CTSB: variants seen among roughly 807,000 people sequenced by gnomAD.
CTSB encodes the protein cathepsin B.
Under a neutral mutation model 44.3 loss-of-function variants are expected in CTSB, and 57 were observed. The ratio of observed to expected loss-of-function variants is 1.29; its 90% CI spans 1.04 to 1.60. CTSB has a LOEUF of 1.60. CTSB is among the 40% of genes most tolerant of loss of function. The pLI, the probability that CTSB is intolerant of heterozygous loss-of-function variation, is 0.00. For missense variants in CTSB, 768 were observed against 443.0 expected (o/e 1.73, Z -6.59); for synonymous variants, 320 against 168.0 (o/e 1.91, Z -7.00).
chr8:11,853,748 C>T (rs765370496), intron 1 of CTSB: 28 of 342,388 alleles, frequency 8.2e-5, no homozygotes, highest in Non-Finnish European at 1.1e-4. Flanking sequence ...CCAGGGCCTT[C>T]GCTGCTATTT....
intron 1 of CTSB, among the ~76,000 whole-genome samples, chr8:11,859,599 C>G (rs1816061829): frequency 6.6e-6 from 1 of 150,566 alleles, no homozygotes. Flanking sequence ...AAACTCCTGT[C>G]TCTACTAAAA....
At chr8:11,850,551 T>A (rs1364755189) in intron 4 of CTSB, 1 of 228,218 alleles carries the variant, frequency 4.4e-6, no homozygotes, top group African/African-American at 2.2e-5. Context: ...ACTAAAGGGA[T>A]GCTTTCTTGA....
At chr8:11,858,679 A>C (rs76695379) in intron 1 of CTSB, among the ~76,000 whole-genome samples, 1 of 152,142 alleles carries the variant, frequency 6.6e-6, no homozygotes, top group Non-Finnish European at 1.5e-5. Context: ...AGAACTCAAA[A>C]AGTGTCAAGC....
chr8:11,845,221 G>T lies in CTSB; in HGVS notation c.924C>A (p.Gly308=). The T allele has an allele frequency of 6.2e-7, 1 of 1,610,800 alleles. No individual in the cohort carries two copies. The highest frequency in any genetic ancestry group is 8.5e-7 in the Non-Finnish European group (1 of 1,177,090). ...NSWNTDWGDN[G]FFKILRGQDH... is the part of the protein sequence containing the mutation. ...CCTGTCCTCTGAGTATTTTAAAGAA[G>T]CCTGGGAATAAAAAGTAAGGTGCTT... Residue 308 remains glycine (G), a splice_region_variant and synonymous_variant, in exon 10 of 10, where the codon GGC becomes GGA. Transcript: ENST00000353047.
intron 5 of CTSB, chr8:11,848,555 A>G (rs1426528426): frequency 5.8e-6 from 2 of 347,038 alleles, no homozygotes; most frequent in African/African-American, 4.2e-5. Flanking sequence ...TTAGGGGAGA[A>G]GCCCATGCAT....
intron 1 of CTSB, among the ~76,000 whole-genome samples, chr8:11,859,618 A>C (rs1816063853): frequency 6.6e-6 from 1 of 151,674 alleles, no homozygotes; most frequent in Non-Finnish European, 1.5e-5. Context: ...AAATACAAAA[A>C]TTAGCCAGGC....
chr8:11,853,074 CT>C (rs1433994956), intron 2 of CTSB, among the ~76,000 whole-genome samples: 1 of 152,158 alleles, frequency 6.6e-6, no homozygotes, highest in African/African-American at 2.4e-5. Context: ...AGCTCACTTA[CT>C]CCCCCACACA....
Position 11,849,134 on chromosome 8 carries a change from G to C in CTSB, c.358C>G (p.Arg120Gly), listed in dbSNP as rs536248833. 1.9e-6 allele frequency: 3 copies of C among 1,612,912 alleles called. No homozygotes were observed. Among genetic ancestry groups the C allele is most frequent in the African/African-American group, 1.3e-5 (1 of 74,912 alleles). Reference sequence around the variant, plus strand: ...TGCGCATTGGTGTGGATGCAGATCCGGTCAGAGATGGCTTCCACAGCCCCG... The same window carrying C: ...TGCGCATTGGTGTGGATGCAGATCCCGTCAGAGATGGCTTCCACAGCCCCG... ...AFGAVEAISD[R>G]ICIHTNAHVS... is the part of the protein sequence containing the mutation. Residue 120 changes from arginine to glycine, a missense_variant, in exon 5 of 10, where the codon CGG (arginine) becomes GGG (glycine). Transcript: ENST00000353047.
At position 11,864,675 on chromosome 8, in the gene CTSB, G is replaced by A. The variant is rs1816869766; in HGVS notation, c.-26+3326C>T. Among the ~76,000 whole-genome samples the A allele has an allele frequency of 2.0e-5, 3 of 152,140 alleles. No individual in the cohort carries two copies. The South Asian group carries it at 6.2e-4, about 32-fold the overall frequency. On this transcript the variant is annotated intron_variant, in intron 1 of 9. Coordinates refer to ENST00000353047, the MANE Select transcript of CTSB (RefSeq NM_001908.5). ...AGATTAGTTAAAAGTCTAAACACAT[G>A]GCTGGGCACAGTGACTCACACCTGT...
intron 4 of CTSB, among the ~76,000 whole-genome samples, chr8:11,849,782 T>A (rs1425626467): frequency 6.6e-6 from 1 of 152,068 alleles, no homozygotes; most frequent in Non-Finnish European, 1.5e-5. Context: ...GGTTTCACCA[T>A]GTTGGCCAGG....
At chr8:11,853,646 C>G in intron 1 of CTSB, 167 bp from the exon 2 acceptor site, 1 of 634,240 alleles carries the variant, frequency 1.6e-6, no homozygotes, top group East Asian at 3.1e-5. Context: ...CCCCCCTGCC[C>G]GAAGCACGCC....
In CTSB at chr8:11,850,891, T is replaced by C; in HGVS notation, c.302A>G (p.Asp101Gly). Residue 101 changes from aspartate (D) to glycine (G), a missense_variant, in exon 4 of 10, where the codon GAC becomes GGC. Asp to Gly is a moderately conservative substitution (Grantham distance 94, BLOSUM62 -1). Transcript: ENST00000353047. ...CCAGCAGGAGCCACAGGAGCCCTGG[T>C]CTCTGATCTCTTTGATGGTGGGACA... ...PQCPTIKEIRDQGSCGSCWAF... is the reference protein window; with the variant it reads ...PQCPTIKEIRGQGSCGSCWAF... 1 of 1,613,310 alleles carries C rather than the reference T, an allele frequency of 6.2e-7. No individual in the cohort carries two copies. The highest frequency in any genetic ancestry group is 8.5e-7 in the Non-Finnish European group (1 of 1,179,538).
chr8:11,846,939 C>T (rs1443993669), intron 8 of CTSB, 113 bp downstream of exon 8: 5 of 723,660 alleles, frequency 6.9e-6, no homozygotes, highest in African/African-American at 5.2e-5. Context: ...CCCTCTTCCC[C>T]AGCCCCTCAC....
intron 1 of CTSB, chr8:11,864,307 T>C (rs1586205309): frequency 8.8e-6 from 1 of 113,054 alleles, no homozygotes; most frequent in East Asian, 2.9e-4. Context: ...TGAGACCCTG[T>C]CTCTACCAAC....
In CTSB at chr8:11,847,138, T is replaced by A. The variant is rs1421940717; in HGVS notation, c.707A>T (p.Glu236Val). 1 of 1,613,074 alleles carries A rather than the reference T, an allele frequency of 6.2e-7. No individual in the cohort carries two copies. Among genetic ancestry groups the A allele is most frequent in the African/African-American group, 1.3e-5 (1 of 74,816 alleles). The change falls in exon 8 of 10, where the codon GAG (glutamate) becomes GTG (valine). Residue 236 changes from glutamate (E) to valine (V), a missense_variant. Coordinates refer to ENST00000353047, the MANE Select transcript of CTSB (RefSeq NM_001908.5). ...GTAGATCTCGGCCATGATGTCCTTC[T>A]CGCTATTGGAGACGCTGTAGGAATT... ...GYNSYSVSNS[E>V]KDIMAEIYKN...
At position 11,847,290 on chromosome 8, in the gene CTSB, C is replaced by T. The variant is rs1317423340; in HGVS notation, c.677-122G>A. The T allele has an allele frequency of 2.1e-5, 15 of 707,806 alleles. 1 individual carries two copies. Among genetic ancestry groups the T allele is most frequent in the South Asian group, 2.1e-4 (13 of 61,444 alleles). The allele number at this position is 707,806 out of a possible 1,614,324, so 43.8% of individuals were successfully genotyped here. Reference sequence around the variant, plus strand: ...GGAAGACTGCATCTAAGGGGACTTGCCCTGCCAGGGGAGCTCAAGGAAGGC... The same window carrying T: ...GGAAGACTGCATCTAAGGGGACTTGTCCTGCCAGGGGAGCTCAAGGAAGGC... On this transcript the variant is annotated intron_variant, in intron 7 of 9. Transcript: ENST00000353047.
At position 11,845,779 on chromosome 8, in the gene CTSB, T is replaced by A. The variant is rs768495440; in HGVS notation, c.804A>T (p.Gln268His). 1 of 1,613,562 alleles carries A rather than the reference T, an allele frequency of 6.2e-7. No homozygotes were observed. ...DFLLYKSGVY[Q>H]HVTGEMMGGH... ...CACCCATCATCTCTCCGGTGACGTG[T>A]TGGTACACTCCTGAAAAGGGAAGAA... Residue 268 changes from glutamine to histidine, a missense_variant, in exon 9 of 10, where the codon CAA (glutamine) becomes CAT (histidine). Coordinates refer to ENST00000353047, the MANE Select transcript of CTSB (RefSeq NM_001908.5).
At chr8:11,856,587 T>G (rs1250391100) in intron 1 of CTSB, among the ~76,000 whole-genome samples, 1 of 152,134 alleles carries the variant, frequency 6.6e-6, no homozygotes, top group Admixed American at 6.6e-5. Context: ...AGACTTCATC[T>G]AAAAATAATA....
intron 1 of CTSB, among the ~76,000 whole-genome samples, chr8:11,858,814 G>C (rs542369978): frequency 3.3e-5 from 5 of 152,326 alleles, no homozygotes; most frequent in African/African-American, 1.2e-4. Flanking sequence ...GACAAGCTGA[G>C]CTGTTAACAG....
Sources: gnomAD v4.1 joint callset for allele counts (sites outside exome capture counted in the v4.1 genomes callset) on GRCh38, gnomAD v4.1.1 for gene constraint, MANE v1.5 for transcripts, NCBI Gene and HGNC (gene_info 2026-07-23, HGNC 2026-07-21) for gene names.